The following KIAA1328 variants were observed in gnomAD, a reference collection of about 807,000 sequenced individuals.
The protein encoded by KIAA1328 is protein hinderin.
KIAA1328 carries 52 observed loss-of-function variants against 68.1 expected under a neutral mutation model. That is an observed-to-expected ratio of 0.76 (90% confidence interval 0.61 to 0.96). The LOEUF (loss-of-function observed/expected upper bound fraction) is 0.96, where lower values mean the gene tolerates loss of function less well. KIAA1328 is among the 40% of genes least tolerant of loss of function. KIAA1328 has a pLI of 0.00. For missense variants in KIAA1328, 641 were observed against 677.6 expected, an observed-to-expected ratio of 0.95 and a Z score of 0.60; for synonymous variants, 232 against 239.4, an observed-to-expected ratio of 0.97 and a Z score of 0.28.
chr18:37,029,622 T>C (rs2054741648), intron 6 of KIAA1328, among the ~76,000 whole-genome samples: 1 of 152,182 alleles, frequency 6.6e-6, no homozygotes, highest in South Asian at 2.1e-4. Context: ...GAGTGTGTGG[T>C]CAGTTTTAGA....
chr18:36,978,535 G>T (rs1363130743), intron 6 of KIAA1328, among the ~76,000 whole-genome samples: 2 of 152,222 alleles, frequency 1.3e-5, no homozygotes, highest in Non-Finnish European at 2.9e-5. Context: ...CATGAGAAAT[G>T]TGTCAGTTGG....
intron 6 of KIAA1328, among the ~76,000 whole-genome samples, chr18:37,001,592 C>T (rs973008525): frequency 5.3e-5 from 8 of 152,144 alleles, no homozygotes; most frequent in Middle Eastern, 3.4e-3. Flanking sequence ...GTATCCCTGA[C>T]GAACATAGAC....
chr18:37,161,312 C>A (rs2059274556), intron 8 of KIAA1328, among the ~76,000 whole-genome samples: 1 of 152,080 alleles, frequency 6.6e-6, no homozygotes, highest in African/African-American at 2.4e-5. Context: ...TGTATATCTC[C>A]CTGCCTCTCT....
chr18:36,844,770 C>G (rs1304411243), intron 4 of KIAA1328, among the ~76,000 whole-genome samples: 1 of 151,738 alleles, frequency 6.6e-6, no homozygotes, highest in African/African-American at 2.4e-5. Flanking sequence ...GAGTACTATT[C>G]CAGTTTATTA....
chr18:36,970,289 A>T (rs1459025900), intron 6 of KIAA1328, among the ~76,000 whole-genome samples: 9 of 152,242 alleles, frequency 5.9e-5, no homozygotes. Context: ...TACATTAGGT[A>T]TTGGTGGAAC....
At chr18:37,148,528 C>T (rs1182756224) in intron 7 of KIAA1328, among the ~76,000 whole-genome samples, 2 of 152,042 alleles carry the variant, frequency 1.3e-5, no homozygotes, top group Admixed American at 1.3e-4. Flanking sequence ...GGTTCTAGAT[C>T]CTTGAGGAAT....
intron 7 of KIAA1328, chr18:37,084,149 G>T (rs921531626): frequency 1.2e-5 from 18 of 1,511,230 alleles, no homozygotes; most frequent in Middle Eastern, 1.7e-4. Context: ...CTCTGTTTAA[G>T]TCGAGAGAAC....
At chr18:37,197,789 A>T (rs765163001) in intron 9 of KIAA1328, among the ~76,000 whole-genome samples, 1 of 152,156 alleles carries the variant, frequency 6.6e-6, no homozygotes, top group African/African-American at 2.4e-5. Context: ...AACACTCTGG[A>T]AGCTCCTTAA....
chr18:37,222,330 G>A lies in KIAA1328; in HGVS notation c.*103G>A. 2 of 1,499,430 alleles carry A rather than the reference G, an allele frequency of 1.3e-6. No homozygotes were observed. The highest frequency in any genetic ancestry group is 2.7e-5 in the South Asian group (2 of 73,630). The allele number at this position is 1,499,430 out of a possible 1,614,324, so 92.9% of individuals were successfully genotyped here. On this transcript the variant is annotated 3_prime_UTR_variant, in exon 10 of 10. Transcript: ENST00000280020. ...AGTAATTGTGTCTCTCCTTTCACGG[G>A]GACTTGTCTCACTAGCATCCTGTTA...
intron 5 of KIAA1328, among the ~76,000 whole-genome samples, chr18:36,894,481 A>G (rs2048804272): frequency 6.6e-6 from 1 of 152,074 alleles, no homozygotes; most frequent in Admixed American, 6.6e-5. Flanking sequence ...GTCGTTTGAA[A>G]GAGTTCATTC....
At chr18:36,900,597 A>G (rs1371088374) in intron 5 of KIAA1328, among the ~76,000 whole-genome samples, 4 of 152,000 alleles carry the variant, frequency 2.6e-5, no homozygotes, top group African/African-American at 9.7e-5. Flanking sequence ...AGTTATTTAC[A>G]TAAGCGTACA....
chr18:36,896,324 A>G (rs1010880551), intron 5 of KIAA1328, among the ~76,000 whole-genome samples: 4 of 152,078 alleles, frequency 2.6e-5, no homozygotes, highest in African/African-American at 9.7e-5. Context: ...CTTTTAATAT[A>G]TATGATGTAC....
chr18:37,107,285 C>G (rs185957627), intron 7 of KIAA1328, among the ~76,000 whole-genome samples: 1 of 152,112 alleles, frequency 6.6e-6, no homozygotes, highest in African/African-American at 2.4e-5. Flanking sequence ...GATGGCTTAT[C>G]AGAATCCCTT....
Position 37,178,566 on chromosome 18 carries a change from C to T in KIAA1328, c.1523+5485C>T, listed in dbSNP as rs553714904. On this transcript the variant is annotated intron_variant, in intron 9 of 9. Coordinates refer to ENST00000280020, the MANE Select transcript of KIAA1328 (RefSeq NM_020776.3). ...ACATGAAGTGTAGATATCTCTTTGACATACCGGTTTCATTTCCTTTGGATA... is the reference window on the plus strand; with the variant it reads ...ACATGAAGTGTAGATATCTCTTTGATATACCGGTTTCATTTCCTTTGGATA... Among the ~76,000 whole-genome samples, 40 of 151,160 alleles carry T rather than the reference C, an allele frequency of 2.6e-4. 1 individual carries two copies. Among genetic ancestry groups the T allele is most frequent in the Non-Finnish European group, 3.4e-4 (23 of 67,748 alleles).
At chr18:36,979,138 G>A (rs1598879144) in intron 6 of KIAA1328, among the ~76,000 whole-genome samples, 1 of 151,284 alleles carries the variant, frequency 6.6e-6, no homozygotes, top group Non-Finnish European at 1.5e-5. Context: ...CTGCAGCCTG[G>A]GTAACAGACT....
intron 5 of KIAA1328, among the ~76,000 whole-genome samples, chr18:36,908,486 C>T (rs1320524291): frequency 2.0e-5 from 3 of 152,056 alleles, no homozygotes; most frequent in South Asian, 2.1e-4. Flanking sequence ...ACTACAGTTG[C>T]GTGTCACCAC....
At chr18:37,152,824 GC>G (rs1938630992) in intron 7 of KIAA1328, among the ~76,000 whole-genome samples, 1 of 152,134 alleles carries the variant, frequency 6.6e-6, no homozygotes, top group Non-Finnish European at 1.5e-5. Context: ...ACAAAAAGCA[GC>G]CCCCAAATCA....
chr18:36,839,523 A>G (rs1007223803), intron 3 of KIAA1328, among the ~76,000 whole-genome samples: 3 of 152,192 alleles, frequency 2.0e-5, no homozygotes, highest in African/African-American at 7.2e-5. Flanking sequence ...TATGAATTCT[A>G]TCATCCAAGT....
chr18:36,955,588 G>A (rs1259230195), intron 5 of KIAA1328, among the ~76,000 whole-genome samples: 2 of 151,934 alleles, frequency 1.3e-5, no homozygotes, highest in African/African-American at 2.4e-5. Context: ...GATTATAGGC[G>A]TGAGCCACCG....
Sources: allele counts gnomAD v4.1 joint callset (sites outside exome capture counted in the v4.1 genomes callset), GRCh38; gene constraint gnomAD v4.1.1; transcripts MANE v1.5; gene names NCBI Gene and HGNC (gene_info 2026-07-23, HGNC 2026-07-21).